Variants in ANKFY1 observed in about 807,000 individuals in gnomAD.
The protein encoded by ANKFY1 is ankyrin repeat and FYVE domain-containing protein 1.
In ANKFY1, 47 loss-of-function variants were observed where a neutral mutation model predicts 128.3. That is an observed-to-expected ratio of 0.37 (90% CI 0.29 to 0.47). The LOEUF (loss-of-function observed/expected upper bound fraction) is 0.47. ANKFY1 is among the 20% of genes least tolerant of loss of function. ANKFY1 has a pLI of 1.00. For missense variants in ANKFY1, 1,222 were observed against 1,510.6 expected, an observed-to-expected ratio of 0.81 and a Z score of 3.17; for synonymous variants, 553 against 601.6, an observed-to-expected ratio of 0.92 and a Z score of 1.18.
intron 4 of ANKFY1, chr17:4,216,743 G>A (rs1598092894): frequency 9.3e-6 from 5 of 539,348 alleles, no homozygotes; most frequent in East Asian, 3.3e-5. Flanking sequence ...CAGTTTATAC[G>A]ATTATGTAAT....
At chr17:4,262,115 CAA>C (rs1487413402) in intron 1 of ANKFY1, among the ~76,000 whole-genome samples, 1 of 152,192 alleles carries the variant, frequency 6.6e-6, no homozygotes, top group Non-Finnish European at 1.5e-5. Context: ...TGCTTGAGCC[CAA>C]GAGTTGGGAG....
At chr17:4,213,997 A>G (rs966496563) in intron 4 of ANKFY1, among the ~76,000 whole-genome samples, 1 of 152,206 alleles carries the variant, frequency 6.6e-6, no homozygotes, top group Non-Finnish European at 1.5e-5. Flanking sequence ...ATTCCAGCAG[A>G]AAAAAACCTC....
At position 4,173,571 on chromosome 17, in the gene ANKFY1, G is replaced by A. The variant is rs1164763193; in HGVS notation, c.2924-127C>T. ...ACAGCAGCGACTGGCCACGCACAGA[G>A]CCATCCTTTCTGGTCTTCACCGCCC... On this transcript the variant is annotated intron_variant, in intron 20 of 24. Coordinates refer to ENST00000341657, the MANE Select transcript of ANKFY1 (RefSeq NM_001330063.2). The A allele has an allele frequency of 2.3e-5, 20 of 865,562 alleles. No homozygotes were observed. In the East Asian group the frequency reaches 4.5e-4, roughly 19 times the overall value. 53.6% of individuals were successfully genotyped at this position (865,562 alleles called of 1,614,324 possible). A position where few individuals can be genotyped will look rare whatever the true frequency, so the allele number is the denominator to read the frequency against.
At chr17:4,231,681 C>T (rs74418650) in intron 3 of ANKFY1, among the ~76,000 whole-genome samples, 5,628 of 151,606 alleles carry the variant, frequency 0.037, 347 homozygotes, top group African/African-American at 0.13. Flanking sequence ...GTGCCTCACA[C>T]CTGTAATCCC....
chr17:4,232,977 A>T lies in ANKFY1; in HGVS notation c.322+2795T>A, dbSNP rs141078993. ...ATTAACACTGTCTGAGTGACCTACG[A>T]CAGTATCCCAGAAGTCAGATAATGA... On this transcript the variant is annotated intron_variant, in intron 3 of 24. Coordinates refer to ENST00000341657, the MANE Select transcript of ANKFY1 (RefSeq NM_001330063.2). 9.9e-5 allele frequency among the ~76,000 whole-genome samples: 15 copies of T among 152,206 alleles called. 1 individual carries two copies. In the East Asian group the frequency reaches 2.9e-3, roughly 29 times the overall value.
In ANKFY1 at chr17:4,194,897, A is replaced by G. The variant is rs1253116388; in HGVS notation, c.1372+81T>C. On this transcript the variant is annotated intron_variant, in intron 10 of 24. Transcript: ENST00000341657. ...TCATAGTATGCCGTTCAGTTTCTAA[A>G]TTTGGGGTGAAGGCATTTACATGCC... is the stretch of plus-strand genomic sequence containing the variant. 2.2e-6 allele frequency: 3 copies of G among 1,362,566 alleles called. No individual in the cohort carries two copies. In the African/African-American group the frequency reaches 4.3e-5, roughly 20 times the overall value. The allele number at this position is 1,362,566 out of a possible 1,614,324, so 84.4% of individuals were successfully genotyped here.
chr17:4,238,874 T>A (rs1967057643), intron 2 of ANKFY1, among the ~76,000 whole-genome samples: 1 of 152,152 alleles, frequency 6.6e-6, no homozygotes, highest in African/African-American at 2.4e-5. Context: ...TTCTCCTGCC[T>A]CAGCCTCCTG....
chr17:4,244,294 T>G (rs1342197625), intron 1 of ANKFY1, among the ~76,000 whole-genome samples: 1 of 152,144 alleles, frequency 6.6e-6, no homozygotes, highest in Non-Finnish European at 1.5e-5. Context: ...AATGCAAAAT[T>G]ACAACTCTAC....
At chr17:4,262,437 T>A (rs1404015248) in intron 1 of ANKFY1, among the ~76,000 whole-genome samples, 1 of 152,154 alleles carries the variant, frequency 6.6e-6, no homozygotes, top group Non-Finnish European at 1.5e-5. Flanking sequence ...AACTTTCGTA[T>A]TTTTTGTAGA....
At chr17:4,171,057 G>A (rs1169141010) in intron 22 of ANKFY1, among the ~76,000 whole-genome samples, 196 bp from the exon 23 acceptor site, 2 of 152,224 alleles carry the variant, frequency 1.3e-5, no homozygotes, top group African/African-American at 2.4e-5. Flanking sequence ...AATAAAGGAT[G>A]TGGCCACGAG....
In ANKFY1 at chr17:4,181,869, G is replaced by A. The variant is rs1197438544; in HGVS notation, c.2121+312C>T. On this transcript the variant is annotated intron_variant, in intron 15 of 24. Coordinates refer to ENST00000341657, the MANE Select transcript of ANKFY1 (RefSeq NM_001330063.2). The surrounding 1 kb of genome is among the most constrained non-coding windows in gnomAD (Gnocchi z 4.9). ...ACAAGGGAGATAAACCTAAGATTGA[G>A]GAAATTATCACTATGGTGATAATGA... is the stretch of plus-strand genomic sequence containing the variant. Among the ~76,000 whole-genome samples, 1 of 152,184 alleles carries A rather than the reference G, an allele frequency of 6.6e-6. No individual in the cohort carries two copies. The highest frequency in any genetic ancestry group is 1.5e-5 in the Non-Finnish European group (1 of 68,034).
chr17:4,182,409 C>G (rs886148314), intron 14 of ANKFY1, 60 bp from the exon 15 acceptor site: 1 of 1,346,098 alleles, frequency 7.4e-7, no homozygotes, highest in Non-Finnish European at 9.9e-7. Context: ...ACAGAAGGTG[C>G]CCTTCTGGGC....
intron 4 of ANKFY1, among the ~76,000 whole-genome samples, chr17:4,211,875 G>T (rs2060137215): frequency 6.7e-6 from 1 of 149,314 alleles, no homozygotes; most frequent in South Asian, 2.1e-4. Flanking sequence ...GACAGACAGA[G>T]ACTCTGTCTC....
chr17:4,199,123 G>A (rs1407140096), intron 7 of ANKFY1, among the ~76,000 whole-genome samples: 1 of 152,242 alleles, frequency 6.6e-6, no homozygotes, highest in Non-Finnish European at 1.5e-5. Flanking sequence ...CTGTGCCACT[G>A]CACTCTAGCC....
intron 1 of ANKFY1, among the ~76,000 whole-genome samples, chr17:4,254,764 T>C (rs771919929): frequency 5.9e-5 from 9 of 152,214 alleles, no homozygotes; most frequent in Admixed American, 1.3e-4. Context: ...TAAAAGGAAA[T>C]GTACACTTTC....
chr17:4,260,602 A>C (rs893552173), intron 1 of ANKFY1, among the ~76,000 whole-genome samples: 1 of 120,884 alleles, frequency 8.3e-6, no homozygotes, highest in Non-Finnish European at 1.6e-5. Context: ...TGGGTGACGG[A>C]GTGAGATCCT....
chr17:4,168,102 C>T, intron 24 of ANKFY1, 191 bp from the exon 25 acceptor site: 3 of 479,418 alleles, frequency 6.3e-6, no homozygotes, highest in Non-Finnish European at 1.1e-5. Flanking sequence ...AAACTCTAGT[C>T]AATCATCAAG....
At chr17:4,172,317 G>C (rs866678411) in intron 22 of ANKFY1, among the ~76,000 whole-genome samples, 48 of 152,280 alleles carry the variant, frequency 3.2e-4, no homozygotes, top group African/African-American at 1.0e-3. Context: ...AGGTGGAGAG[G>C]CCTGTTTGGA....
At chr17:4,189,071 A>G (rs2096246195) in intron 11 of ANKFY1, among the ~76,000 whole-genome samples, 1 of 152,188 alleles carries the variant, frequency 6.6e-6, no homozygotes, top group African/African-American at 2.4e-5. Context: ...ATCAAATGCT[A>G]TCGCGGTAGG....
Sources: gnomAD v4.1 joint callset for allele counts (sites outside exome capture counted in the v4.1 genomes callset) on GRCh38, gnomAD v4.1.1 for gene constraint, Gnocchi (gnomAD v3.1) non-coding constraint, MANE v1.5 for transcripts, NCBI Gene and HGNC (gene_info 2026-07-23, HGNC 2026-07-21) for gene names.